PRR23C: variants seen among roughly 807,000 people sequenced by gnomAD.
The protein encoded by PRR23C is proline rich 23C.
PRR23C carries 1 observed loss-of-function variant against 0.1 expected under a neutral mutation model. That is an observed-to-expected ratio of 6.80 (90% CI 2.41 to 32.24). The LOEUF (loss-of-function observed/expected upper bound fraction) is 32.24. Ranked by LOEUF, PRR23C falls within the 30% of genes most tolerant of loss-of-function variation. PRR23C has a pLI of 0.11. For missense variants in PRR23C, 361 were observed against 370.4 expected, an observed-to-expected ratio of 0.97 and a Z score of 0.21; for synonymous variants, 172 against 168.1, an observed-to-expected ratio of 1.02 and a Z score of -0.18.
the PRR23C span, chr3:139,044,522 CTCCTCCAA>C: frequency 1.3e-6 from 2 of 1,544,790 alleles, no homozygotes; most frequent in Non-Finnish European, 1.7e-6. This position sits in a 1 kb window ranked among gnomAD's most constrained non-coding sequence, Gnocchi z 7.5. Flanking sequence ...GGCCCGCGGG[CTCCTCCAA>C]TCGGCTGCGC....
chr3:139,044,455 C>T lies in PRR23C; in HGVS notation c.166G>A (p.Ala56Thr), dbSNP rs777209793. The T allele has an allele frequency of 6.8e-5, 105 of 1,542,802 alleles. 1 individual carries two copies. The East Asian group carries it at 8.3e-4, about 12-fold the overall frequency. The change falls in exon 1 of 1, where the codon GCG (alanine) becomes ACG (threonine). Residue 56 changes from alanine to threonine, a missense_variant. By Grantham distance (58) the Ala-to-Thr change is moderately conservative. Transcript: ENST00000413199. The surrounding 1 kb of genome is among the most constrained non-coding windows in gnomAD (Gnocchi z 7.5). ...EDPAGTPAVD[A>T]LTSMVVLDAG... ...TCCAGGACCACCATGGAGGTGAGCG[C>T]GTCCACGGCCGGGGTCCCCGCCGGG...
Position 139,044,650 on chromosome 3 carries a change from TG to T in PRR23C, c.-31del. ...TCGACGGCGCTGCGGACGGCGCTCC[TG>T]GGCCTGGCAGGGGACGTGGGTGCGG... On this transcript the variant is annotated 5_prime_UTR_variant, in exon 1 of 1. Coordinates refer to ENST00000413199, the MANE Select transcript of PRR23C (RefSeq NM_001134657.1). This position sits in a 1 kb window ranked among gnomAD's most constrained non-coding sequence, Gnocchi z 7.5. 1 of 1,463,450 alleles carries T rather than the reference TG, an allele frequency of 6.8e-7. No individual in the cohort carries two copies. 90.7% of individuals were successfully genotyped at this position (1,463,450 alleles called of 1,614,324 possible).
In PRR23C at chr3:139,044,368, T is replaced by G; in HGVS notation, c.253A>C (p.Met85Leu). The change falls in exon 1 of 1, where the codon ATG becomes CTG. Residue 85 changes from methionine to leucine, a missense_variant. Transcript: ENST00000413199. This position sits in a 1 kb window ranked among gnomAD's most constrained non-coding sequence, Gnocchi z 7.5. ...DVDLVLELAP[M>L]SVLRVSLGGH... ...CCAAGAGACACTCGCAGGACCGACA[T>G]TGGCGCGAGCTCCAGCACCAGGTCG... The G allele has an allele frequency of 6.3e-7, 1 of 1,594,338 alleles. No individual in the cohort carries two copies. Among genetic ancestry groups the G allele is most frequent in the Non-Finnish European group, 8.5e-7 (1 of 1,170,976 alleles).
At position 139,044,212 on chromosome 3, in the gene PRR23C, C is replaced by G. The variant is rs1937175584; in HGVS notation, c.409G>C (p.Val137Leu). 3.1e-6 allele frequency: 5 copies of G among 1,612,724 alleles called. No individual in the cohort carries two copies. The highest frequency in any genetic ancestry group is 4.2e-6 in the Non-Finnish European group (5 of 1,179,352). Residue 137 changes from valine (V) to leucine (L), a missense_variant, in exon 1 of 1, where the codon GTC (valine) becomes CTC (leucine). Physicochemically the swap from Val to Leu is conservative, Grantham distance 32. Transcript: ENST00000413199. The surrounding 1 kb of genome is among the most constrained non-coding windows in gnomAD (Gnocchi z 7.5). The part of the protein sequence containing the change: ...FLGAHGEDVV[V>L]EQEVCASVPE... ...ACAGATGCGCAGACTTCCTGCTCGA[C>G]GACGACGTCTTCCCCGTGAGCGCCC... is the stretch of plus-strand genomic sequence containing the variant.
At position 139,044,407 on chromosome 3, in the gene PRR23C, G is replaced by A. The variant is rs768665849; in HGVS notation, c.214C>T (p.Pro72Ser). ...VLDAGCALRV[P>S]LEDVDLVLEL... ...AGCACCAGGTCGACGTCCTCCAGGGGCACACGCAGGGCACAGCCCGCGTCC... is the reference window on the plus strand; with the variant it reads ...AGCACCAGGTCGACGTCCTCCAGGGACACACGCAGGGCACAGCCCGCGTCC... Residue 72 changes from proline (P) to serine (S), a missense_variant, in exon 1 of 1, where the codon CCC becomes TCC. Pro to Ser is a moderately conservative substitution (Grantham distance 74). Transcript: ENST00000413199. The surrounding 1 kb of genome is among the most constrained non-coding windows in gnomAD (Gnocchi z 7.5). The A allele has an allele frequency of 8.9e-6, 14 of 1,568,332 alleles. No individual in the cohort carries two copies. Among genetic ancestry groups the A allele is most frequent in the Admixed American group, 3.8e-5 (2 of 52,648 alleles).
At position 139,043,815 on chromosome 3, in the gene PRR23C, G is replaced by A. The variant is rs769861349; in HGVS notation, c.*17C>T. The A allele has an allele frequency of 1.3e-6, 2 of 1,512,818 alleles. No individual in the cohort carries two copies. The highest frequency in any genetic ancestry group is 1.8e-6 in the Non-Finnish European group (2 of 1,130,620). 93.7% of individuals were successfully genotyped at this position (1,512,818 alleles called of 1,614,324 possible). ...TCCTGGAGCCCAGCAGGGTGGCAAG[G>A]GATTGTGGGAGGCAACTCATTCCTG... is the stretch of plus-strand genomic sequence containing the variant. On this transcript the variant is annotated 3_prime_UTR_variant, in exon 1 of 1. Coordinates refer to ENST00000413199, the MANE Select transcript of PRR23C (RefSeq NM_001134657.1).
At position 139,044,083 on chromosome 3, in the gene PRR23C, G is replaced by T; in HGVS notation, c.538C>A (p.Pro180Thr). 1.9e-6 allele frequency: 3 copies of T among 1,613,568 alleles called. No individual in the cohort carries two copies. The highest frequency in any genetic ancestry group is 1.7e-6 in the Non-Finnish European group (2 of 1,179,734). The change falls in exon 1 of 1, where the codon CCC becomes ACC. Residue 180 changes from proline to threonine, a missense_variant. Physicochemically the swap from Pro to Thr is conservative, Grantham distance 38. Coordinates refer to ENST00000413199, the MANE Select transcript of PRR23C (RefSeq NM_001134657.1). The surrounding 1 kb of genome is among the most constrained non-coding windows in gnomAD (Gnocchi z 7.5). ...SAAGSAAGLYPSARSMFSPYR... is the reference protein window; with the variant it reads ...SAAGSAAGLYTSARSMFSPYR... ...GGGCTGAACATACTTCTAGCGGAGG[G>T]GTAGAGCCCAGCGGCTGAGCCGGCT... is the stretch of plus-strand genomic sequence containing the variant.
rs1157104137 is a variant in PRR23C, at chr3:139,044,666, C to T, written c.-46G>A. ...CGGCGCTCCTGGGCCTGGCAGGGGACGTGGGTGCGGGGGGCTCGGGGCGGC... is the reference window on the plus strand; with the variant it reads ...CGGCGCTCCTGGGCCTGGCAGGGGATGTGGGTGCGGGGGGCTCGGGGCGGC... On this transcript the variant is annotated 5_prime_UTR_variant, in exon 1 of 1. Transcript: ENST00000413199. This position sits in a 1 kb window ranked among gnomAD's most constrained non-coding sequence, Gnocchi z 7.5. 4 of 1,446,358 alleles carry T rather than the reference C, an allele frequency of 2.8e-6. No individual in the cohort carries two copies. Among genetic ancestry groups the T allele is most frequent in the Admixed American group, 3.0e-5 (1 of 33,868 alleles). The allele number at this position is 1,446,358 out of a possible 1,614,324, so 89.6% of individuals were successfully genotyped here.
In PRR23C at chr3:139,044,246, G is replaced by C. The variant is rs774236871; in HGVS notation, c.375C>G (p.Asp125Glu). 2 of 1,610,094 alleles carry C rather than the reference G, an allele frequency of 1.2e-6. No homozygotes were observed. The highest frequency in any genetic ancestry group is 1.7e-6 in the Non-Finnish European group (2 of 1,178,232). ...CTTCCCCGTGAGCGCCCAGGAAAACGTCCACTTCCAGGCCGGCAGACCAGT... is the reference window on the plus strand; with the variant it reads ...CTTCCCCGTGAGCGCCCAGGAAAACCTCCACTTCCAGGCCGGCAGACCAGT... ...QGDWSAGLEV[D>E]VFLGAHGEDV... The change falls in exon 1 of 1, where the codon GAC becomes GAG. Residue 125 changes from aspartate (D) to glutamate (E), a missense_variant. Coordinates refer to ENST00000413199, the MANE Select transcript of PRR23C (RefSeq NM_001134657.1). This position sits in a 1 kb window ranked among gnomAD's most constrained non-coding sequence, Gnocchi z 7.5.
Position 139,044,348 on chromosome 3 carries a change from A to G in PRR23C, c.273T>C (p.Ser91=). The G allele has an allele frequency of 6.2e-7, 1 of 1,606,314 alleles. No homozygotes were observed. The highest frequency in any genetic ancestry group is 8.5e-7 in the Non-Finnish European group (1 of 1,176,646). Residue 91 remains serine, a synonymous_variant, in exon 1 of 1, where the codon TCT becomes TCC. Transcript: ENST00000413199. The surrounding 1 kb of genome is among the most constrained non-coding windows in gnomAD (Gnocchi z 7.5). ...ELAPMSVLRV[S]LGGHTLIVIP... is the part of the protein sequence containing the mutation. Reference sequence around the variant, plus strand: ...TCACGATGAGGGTGTGTCCACCAAGAGACACTCGCAGGACCGACATTGGCG... The same window carrying G: ...TCACGATGAGGGTGTGTCCACCAAGGGACACTCGCAGGACCGACATTGGCG...
At position 139,044,413 on chromosome 3, in the gene PRR23C, G is replaced by T; in HGVS notation, c.208C>A (p.Arg70Ser). The stretch of plus-strand genomic sequence containing the variant: ...AGGTCGACGTCCTCCAGGGGCACAC[G>T]CAGGGCACAGCCCGCGTCCAGGACC... Reference protein sequence around the residue: ...MVVLDAGCALRVPLEDVDLVL... With the variant: ...MVVLDAGCALSVPLEDVDLVL... The change falls in exon 1 of 1, where the codon CGT (arginine) becomes AGT (serine). Residue 70 changes from arginine to serine, a missense_variant. Transcript: ENST00000413199. The surrounding 1 kb of genome is among the most constrained non-coding windows in gnomAD (Gnocchi z 7.5). 6.4e-7 allele frequency: 1 copy of T among 1,564,976 alleles called. No individual in the cohort carries two copies. The highest frequency in any genetic ancestry group is 8.7e-7 in the Non-Finnish European group (1 of 1,155,660).
rs1296408574 is a variant in PRR23C at position 139,042,962 on chromosome 3, T to G, written c.*870A>C. 5 of 152,186 alleles carry G rather than the reference T, an allele frequency of 3.3e-5. No homozygotes were observed. The highest frequency in any genetic ancestry group is 1.2e-4 in the African/African-American group (5 of 41,408). 9.4% of individuals were successfully genotyped at this position (152,186 alleles called of 1,614,324 possible). On this transcript the variant is annotated 3_prime_UTR_variant, in exon 1 of 1. Transcript: ENST00000413199. ...TACCTGGGAGGCTGAGGCGGGAGAA[T>G]TGCTTGAACCTGGGAGGCAAAGGTT...
At position 139,043,042 on chromosome 3, in the gene PRR23C, T is replaced by C. The variant is rs1348067949; in HGVS notation, c.*790A>G. On this transcript the variant is annotated 3_prime_UTR_variant, in exon 1 of 1. Coordinates refer to ENST00000413199, the MANE Select transcript of PRR23C (RefSeq NM_001134657.1). ...CCAGCCTAGGCAACAAGAGTGAAAC[T>C]CTTGTCTCAAAAAACAAACAAACAA... 2 of 152,138 alleles carry C rather than the reference T, an allele frequency of 1.3e-5. No individual in the cohort carries two copies. Among genetic ancestry groups the C allele is most frequent in the Non-Finnish European group, 2.9e-5 (2 of 68,090 alleles). 9.4% of individuals were successfully genotyped at this position (152,138 alleles called of 1,614,324 possible). A position where few individuals can be genotyped will look rare whatever the true frequency, so the allele number is the denominator to read the frequency against.
Position 139,044,629 on chromosome 3 carries a change from C to T in PRR23C, c.-9G>A, listed in dbSNP as rs569984117. ...CAGGGCCGGCTGCCCATCACCTCGA[C>T]GGCGCTGCGGACGGCGCTCCTGGGC... On this transcript the variant is annotated 5_prime_UTR_variant, in exon 1 of 1. Transcript: ENST00000413199. This position sits in a 1 kb window ranked among gnomAD's most constrained non-coding sequence, Gnocchi z 7.5. The T allele has an allele frequency of 1.3e-5, 19 of 1,487,206 alleles. No homozygotes were observed. The highest frequency in any genetic ancestry group is 5.0e-5 in the Admixed American group (2 of 39,922). The allele number at this position is 1,487,206 out of a possible 1,614,324, so 92.1% of individuals were successfully genotyped here.
chr3:139,043,814 G>C lies in PRR23C; in HGVS notation c.*18C>G. On this transcript the variant is annotated 3_prime_UTR_variant, in exon 1 of 1. Coordinates refer to ENST00000413199, the MANE Select transcript of PRR23C (RefSeq NM_001134657.1). ...CTCCTGGAGCCCAGCAGGGTGGCAA[G>C]GGATTGTGGGAGGCAACTCATTCCT... 6.6e-7 allele frequency: 1 copy of C among 1,508,608 alleles called. No individual in the cohort carries two copies. Among genetic ancestry groups the C allele is most frequent in the Non-Finnish European group, 8.9e-7 (1 of 1,128,888 alleles). 93.5% of individuals were successfully genotyped at this position (1,508,608 alleles called of 1,614,324 possible).
In PRR23C at chr3:139,044,585, A is replaced by C; in HGVS notation, c.36T>G (p.Leu12=). The change falls in exon 1 of 1, where the codon CTT becomes CTG. Residue 12 remains leucine (L), a synonymous_variant. Coordinates refer to ENST00000413199, the MANE Select transcript of PRR23C (RefSeq NM_001134657.1). This position sits in a 1 kb window ranked among gnomAD's most constrained non-coding sequence, Gnocchi z 7.5. The part of the protein sequence containing the change: ...GSRPCSPSAC[L]APWWGQQPGG... ...CTGGCTGCTGTCCCCACCAGGGCGC[A>C]AGGCAGGCGCTGGGGCTGCAGGGCC... is the stretch of plus-strand genomic sequence containing the variant. 6.5e-7 allele frequency: 1 copy of C among 1,536,198 alleles called. No homozygotes were observed. The highest frequency in any genetic ancestry group is 8.7e-7 in the Non-Finnish European group (1 of 1,144,862).
At position 139,044,890 on chromosome 3, in the gene PRR23C, G is replaced by A. The variant is rs1355068221; in HGVS notation, c.-270C>T. The A allele has an allele frequency of 8.9e-6, 4 of 449,156 alleles. No homozygotes were observed. The highest frequency in any genetic ancestry group is 1.6e-5 in the Non-Finnish European group (4 of 249,386). 27.8% of individuals were successfully genotyped at this position (449,156 alleles called of 1,614,324 possible). On this transcript the variant is annotated 5_prime_UTR_variant, in exon 1 of 1. Transcript: ENST00000413199. This position sits in a 1 kb window ranked among gnomAD's most constrained non-coding sequence, Gnocchi z 7.5. ...GGATGCGCACTGCAAAGCCAATTAT[G>A]TTGTAAATGACGGCAGCGGAACCGA...
In PRR23C at chr3:139,044,172, G is replaced by C; in HGVS notation, c.449C>G (p.Ala150Gly). Reference protein sequence around the residue: ...EVCASVPEIAAEEEAYEEDAD... With the variant: ...EVCASVPEIAGEEEAYEEDAD... ...GTCCTCCTCGTAGGCCTCTTCCTCG[G>C]CAGCGATCTCTGGGACAGATGCGCA... The change falls in exon 1 of 1, where the codon GCC (alanine) becomes GGC (glycine). Residue 150 changes from alanine to glycine, a missense_variant. Transcript: ENST00000413199. This position sits in a 1 kb window ranked among gnomAD's most constrained non-coding sequence, Gnocchi z 7.5. 1 of 1,613,322 alleles carries C rather than the reference G, an allele frequency of 6.2e-7. No homozygotes were observed. Among genetic ancestry groups the C allele is most frequent in the Non-Finnish European group, 8.5e-7 (1 of 1,179,646 alleles).
chr3:139,044,153 C>T lies in PRR23C; in HGVS notation c.468G>A (p.Glu156=), dbSNP rs761339577. Residue 156 remains glutamate, a synonymous_variant, in exon 1 of 1, where the codon GAG becomes GAA. Transcript: ENST00000413199. This position sits in a 1 kb window ranked among gnomAD's most constrained non-coding sequence, Gnocchi z 7.5. ...CCGGGAACTCAGAGTCCGCGTCCTC[C>T]TCGTAGGCCTCTTCCTCGGCAGCGA... ...PEIAAEEEAY[E]EDADSEFPEL... The T allele has an allele frequency of 3.1e-6, 5 of 1,613,244 alleles. No homozygotes were observed. In the Admixed American group the frequency reaches 8.3e-5, roughly 27 times the overall value.
Sources: allele counts gnomAD v4.1 joint callset, GRCh38; gene constraint gnomAD v4.1.1; non-coding constraint Gnocchi (gnomAD v3.1); transcripts MANE v1.5; gene names NCBI Gene and HGNC (gene_info 2026-07-23, HGNC 2026-07-21).